The following SHC4 variants were observed in gnomAD, a reference collection of about 807,000 sequenced individuals.
The protein encoded by SHC4 is SHC adaptor protein 4.
In SHC4, 41 loss-of-function variants were observed where a neutral mutation model predicts 69.4. That is an observed-to-expected ratio of 0.59 (90% CI 0.46 to 0.77). SHC4 has a LOEUF of 0.77. Among genes scored for constraint, SHC4 ranks in the 30% least tolerant of loss-of-function variants. The pLI is 0.00. For synonymous variants in SHC4, 318 were observed against 299.3 expected, an observed-to-expected ratio of 1.06 and a Z score of -0.64; for missense variants, 777 against 783.8, an observed-to-expected ratio of 0.99 and a Z score of 0.10.
chr15:48,843,318 C>T, intron 10 of SHC4, 91 bp downstream of exon 10: 1 of 1,304,938 alleles, frequency 7.7e-7, no homozygotes, highest in East Asian at 2.3e-5. Flanking sequence ...GGACTTCTGG[C>T]CTCCAGAACT....
chr15:48,948,819 T>C (rs1901319409), intron 1 of SHC4, among the ~76,000 whole-genome samples: 1 of 152,108 alleles, frequency 6.6e-6, no homozygotes, highest in African/African-American at 2.4e-5. Flanking sequence ...GGTGGGAGGA[T>C]GGCTTGAGCC....
chr15:48,923,324 G>A (rs1422749932), intron 2 of SHC4, among the ~76,000 whole-genome samples: 3 of 152,178 alleles, frequency 2.0e-5, no homozygotes, highest in Non-Finnish European at 4.4e-5. Flanking sequence ...TCCAAGGCAG[G>A]TGGATGACCT....
Position 48,915,876 on chromosome 15 carries a change from T to C in SHC4, c.656+9003A>G, listed in dbSNP as rs1900611250. Among the ~76,000 whole-genome samples, 2 of 152,236 alleles carry C rather than the reference T, an allele frequency of 1.3e-5. 1 individual carries two copies. Among genetic ancestry groups the C allele is most frequent in the South Asian group, 4.1e-4 (2 of 4,832 alleles). On this transcript the variant is annotated intron_variant, in intron 2 of 11. Coordinates refer to ENST00000332408, the MANE Select transcript of SHC4 (RefSeq NM_203349.4). Reference sequence around the variant, plus strand: ...CTCAGTAAATTTTTTCACTGGGGAATGTTCCCTTGTCTGCTAAATTAATAG... The same window carrying C: ...CTCAGTAAATTTTTTCACTGGGGAACGTTCCCTTGTCTGCTAAATTAATAG...
At chr15:48,829,399 A>G (rs969807404) in intron 11 of SHC4, among the ~76,000 whole-genome samples, 1 of 151,986 alleles carries the variant, frequency 6.6e-6, no homozygotes, top group Non-Finnish European at 1.5e-5. Context: ...TTTGCTTCAT[A>G]TATTTGGGTA....
chr15:48,932,796 T>G (rs1441313181), intron 1 of SHC4, among the ~76,000 whole-genome samples: 2 of 152,208 alleles, frequency 1.3e-5, no homozygotes, highest in Non-Finnish European at 1.5e-5. Flanking sequence ...AATATGGAAC[T>G]ACTTCTTGGT....
chr15:48,913,194 G>A (rs1033043968), intron 2 of SHC4, among the ~76,000 whole-genome samples: 2 of 151,816 alleles, frequency 1.3e-5, no homozygotes, highest in African/African-American at 4.8e-5. Context: ...CTACCAGGGT[G>A]GGTAGGGAAG....
chr15:48,900,594 T>C (rs8023445), intron 2 of SHC4, among the ~76,000 whole-genome samples: 22,895 of 151,992 alleles, frequency 0.15, 1,913 homozygotes, highest in African/African-American at 0.21. Context: ...TACATCACCC[T>C]TTGCACACAC....
intron 7 of SHC4, 122 bp downstream of exon 7, chr15:48,857,570 A>G (rs1899349503): frequency 1.1e-6 from 1 of 905,252 alleles, no homozygotes; most frequent in African/African-American, 1.7e-5. Context: ...AAAAATTACT[A>G]ATTTTATTAG....
At chr15:48,855,530 TA>T (rs1899295786) in intron 8 of SHC4, among the ~76,000 whole-genome samples, 1 of 151,884 alleles carries the variant, frequency 6.6e-6, no homozygotes, top group African/African-American at 2.4e-5. Context: ...AAGGAACCAA[TA>T]GAGAAAGAGT....
chr15:48,896,287 T>C (rs1295174010), intron 2 of SHC4, among the ~76,000 whole-genome samples: 7 of 132,306 alleles, frequency 5.3e-5, no homozygotes, highest in African/African-American at 1.6e-4. Context: ...TCTCTCTCTC[T>C]CTCCCTCCCT....
rs1032200742 is a variant in SHC4, at chr15:48,862,276, T to C, written c.947-4461A>G. ...AGGTAGTCCAAGCAGTCCAGTCCTA[T>C]TCACAGACTAGATTCAGGGAAAATA... is the stretch of plus-strand genomic sequence containing the variant. On this transcript the variant is annotated intron_variant, in intron 6 of 11. Coordinates refer to ENST00000332408, the MANE Select transcript of SHC4 (RefSeq NM_203349.4). Among the ~76,000 whole-genome samples, 6 of 152,198 alleles carry C rather than the reference T, an allele frequency of 3.9e-5. No homozygotes were observed. The South Asian group carries it at 1.0e-3, about 26-fold the overall frequency.
intron 1 of SHC4, among the ~76,000 whole-genome samples, chr15:48,941,899 C>A (rs562870116): frequency 6.6e-6 from 1 of 152,292 alleles, no homozygotes; most frequent in African/African-American, 2.4e-5. Flanking sequence ...CTCCTTCACA[C>A]CCTCCCACTC....
chr15:48,873,069 C>T (rs1416658342), intron 4 of SHC4, among the ~76,000 whole-genome samples: 1 of 152,046 alleles, frequency 6.6e-6, no homozygotes. Context: ...ACAATAACTG[C>T]CCTGTTCATA....
chr15:48,853,399 A>G (rs1899252773), intron 8 of SHC4, among the ~76,000 whole-genome samples: 1 of 152,234 alleles, frequency 6.6e-6, no homozygotes, highest in Admixed American at 6.5e-5. Flanking sequence ...AAAAATGGCC[A>G]TACTAGCCAA....
chr15:48,841,920 A>C (rs1045322837), intron 10 of SHC4, among the ~76,000 whole-genome samples: 1 of 152,216 alleles, frequency 6.6e-6, no homozygotes, highest in African/African-American at 2.4e-5. Flanking sequence ...ATCCAGGCTC[A>C]ACAAAATCTT....
At chr15:48,899,954 A>C (rs1900292095) in intron 2 of SHC4, among the ~76,000 whole-genome samples, 1 of 152,170 alleles carries the variant, frequency 6.6e-6, no homozygotes, top group African/African-American at 2.4e-5. Flanking sequence ...CAGCTGATTA[A>C]ACCTACTTGG....
intron 9 of SHC4, among the ~76,000 whole-genome samples, chr15:48,844,440 C>G (rs1231794157): frequency 2.6e-5 from 4 of 152,012 alleles, no homozygotes; most frequent in Non-Finnish European, 4.4e-5. Flanking sequence ...TCACACTGGC[C>G]TTCCTGCAGT....
chr15:48,859,101 G>A (rs1001885911), intron 6 of SHC4, among the ~76,000 whole-genome samples: 3 of 152,070 alleles, frequency 2.0e-5, no homozygotes, highest in African/African-American at 7.2e-5. Context: ...CATTGTCTTG[G>A]AAAAAATTCA....
chr15:48,962,893 C>T lies in SHC4; in HGVS notation c.123G>A (p.Leu41=). 3 of 1,613,418 alleles carry T rather than the reference C, an allele frequency of 1.9e-6. No individual in the cohort carries two copies. In the South Asian group the frequency reaches 3.3e-5, roughly 18 times the overall value. ...SRFRNESITS[L]DEGSSGGSVG... ...CCGAGCCTCCGGAGCTACCTTCGTC[C>T]AAGGACGTGATCGACTCGTTCCGAA... The change falls in exon 1 of 12, where the codon TTG becomes TTA. Residue 41 remains leucine (L), a synonymous_variant. Transcript: ENST00000332408.
Sources: allele counts gnomAD v4.1 joint callset (sites outside exome capture counted in the v4.1 genomes callset), GRCh38; gene constraint gnomAD v4.1.1; transcripts MANE v1.5; gene names NCBI Gene and HGNC (gene_info 2026-07-23, HGNC 2026-07-21).